IGF1R: variants seen among roughly 807,000 people sequenced by gnomAD.
IGF1R encodes insulin like growth factor 1 receptor, also known as insulin-like growth factor 1 receptor.
IGF1R carries 44 observed loss-of-function variants against 144.6 expected under a neutral mutation model. That is an observed-to-expected ratio of 0.30 (90% CI 0.24 to 0.39). IGF1R has a LOEUF of 0.39. Among genes scored for constraint, IGF1R ranks in the 10% least tolerant of loss-of-function variants. The pLI, the probability that IGF1R is intolerant of heterozygous loss-of-function variation, is 1.00. For synonymous variants in IGF1R, 795 were observed against 722.8 expected (o/e 1.10, Z -1.60); for missense variants, 1,355 against 1,833.7 (o/e 0.74, Z 4.77).
chr15:98,931,509 A>G (rs2015939756), intron 15 of IGF1R, among the ~76,000 whole-genome samples: 1 of 152,180 alleles, frequency 6.6e-6, no homozygotes, highest in Non-Finnish European at 1.5e-5. Flanking sequence ...GCCTCCTCTG[A>G]ATGGGAATCA....
At chr15:98,668,695 C>T (rs1210028355) in intron 1 of IGF1R, among the ~76,000 whole-genome samples, 1 of 152,198 alleles carries the variant, frequency 6.6e-6, no homozygotes, top group East Asian at 1.9e-4. Context: ...AAATTTCACT[C>T]TCTGAAAACT....
intron 2 of IGF1R, among the ~76,000 whole-genome samples, chr15:98,723,625 T>C (rs1346774915): frequency 6.6e-6 from 1 of 152,138 alleles, no homozygotes; most frequent in Non-Finnish European, 1.5e-5. Flanking sequence ...TTACAGACTA[T>C]AAAGATAAAG....
chr15:98,773,518 T>C (rs2055642474), intron 2 of IGF1R, among the ~76,000 whole-genome samples: 1 of 152,154 alleles, frequency 6.6e-6, no homozygotes. Context: ...ATGGGGTGCC[T>C]TGGGGGACAT....
At chr15:98,676,133 AGACTCTATTTT>A (rs2053037230) in intron 1 of IGF1R, among the ~76,000 whole-genome samples, 2 of 151,394 alleles carry the variant, frequency 1.3e-5, no homozygotes, top group Non-Finnish European at 1.5e-5. Flanking sequence ...CCCAGCCTAG[AGACTCTATTTT>A]ATTAGTGTTT....
At chr15:98,846,968 A>G (rs889833437) in intron 2 of IGF1R, among the ~76,000 whole-genome samples, 2 of 152,092 alleles carry the variant, frequency 1.3e-5, no homozygotes, top group African/African-American at 4.8e-5. Flanking sequence ...ACAAAGGCGG[A>G]ACAGTTCACT....
At chr15:98,917,086 G>A (rs1409529053) in intron 10 of IGF1R, 2 of 634,580 alleles carry the variant, frequency 3.2e-6, no homozygotes, top group African/African-American at 1.8e-5. Flanking sequence ...CAGGGCTTGG[G>A]TTGCTGGGGC....
At chr15:98,789,284 T>C (rs2056076175) in intron 2 of IGF1R, among the ~76,000 whole-genome samples, 1 of 152,238 alleles carries the variant, frequency 6.6e-6, no homozygotes, top group Admixed American at 6.5e-5. Context: ...CTTCTACAAT[T>C]GTGCTGATGA....
intron 2 of IGF1R, among the ~76,000 whole-genome samples, chr15:98,804,562 G>A (rs1020942493): frequency 7.9e-5 from 12 of 152,118 alleles, no homozygotes; most frequent in Non-Finnish European, 1.6e-4. Context: ...ACGGGGCTAT[G>A]GGAGGAAGAG....
chr15:98,869,089 C>CT (rs1259395343), intron 2 of IGF1R, among the ~76,000 whole-genome samples: 7 of 152,040 alleles, frequency 4.6e-5, no homozygotes, highest in African/African-American at 1.5e-4. Flanking sequence ...GATTTTTATC[C>CT]TTTTTTTCTC....
At chr15:98,906,135 C>A (rs1408732817) in intron 5 of IGF1R, among the ~76,000 whole-genome samples, 1 of 152,210 alleles carries the variant, frequency 6.6e-6, no homozygotes, top group Non-Finnish European at 1.5e-5. Context: ...TAGTCAAATA[C>A]ACAGAATTTC....
chr15:98,825,066 T>A (rs2056867757), intron 2 of IGF1R, among the ~76,000 whole-genome samples: 1 of 152,150 alleles, frequency 6.6e-6, no homozygotes, highest in African/African-American at 2.4e-5. Context: ...GTCGAACTCC[T>A]GACCTCAAGT....
rs570456255 is a variant in IGF1R at position 98,707,164 on chromosome 15, G to C, written c.95-398G>C. Among the ~76,000 whole-genome samples the C allele has an allele frequency of 2.6e-5, 4 of 152,320 alleles. No homozygotes were observed. The highest frequency in any genetic ancestry group is 2.1e-4 in the South Asian group (1 of 4,830). ...ATTGATACTTGGCTGCTGAGCTGTC[G>C]TTCAGGCCTTGGCAACTGACGCTCT... On this transcript the variant is annotated intron_variant, in intron 1 of 20. Coordinates refer to ENST00000650285, the MANE Select transcript of IGF1R (RefSeq NM_000875.5). This position sits in a 1 kb window ranked among gnomAD's most constrained non-coding sequence, Gnocchi z 6.7.
intron 2 of IGF1R, among the ~76,000 whole-genome samples, chr15:98,725,139 GC>G (rs2054327815): frequency 6.6e-6 from 1 of 152,114 alleles, no homozygotes; most frequent in African/African-American, 2.4e-5. Flanking sequence ...ACTCTCAGGG[GC>G]CCTGGATCTA....
chr15:98,722,562 G>A (rs1242988459), intron 2 of IGF1R, among the ~76,000 whole-genome samples: 1 of 152,142 alleles, frequency 6.6e-6, no homozygotes, highest in African/African-American at 2.4e-5. Context: ...CCCTCAAGCC[G>A]GTTTGGCTTA....
intron 1 of IGF1R, among the ~76,000 whole-genome samples, chr15:98,662,143 C>T (rs2052616151): frequency 6.6e-6 from 1 of 151,380 alleles, no homozygotes; most frequent in African/African-American, 2.4e-5. Context: ...CCACGCCTGG[C>T]TAATTTTTTT....
chr15:98,916,186 G>A, intron 9 of IGF1R, 55 bp downstream of exon 9: 3 of 1,548,012 alleles, frequency 1.9e-6, no homozygotes, highest in East Asian at 2.3e-5. Flanking sequence ...TCCTGTGGTT[G>A]TAATGTGCCT....
intron 1 of IGF1R, among the ~76,000 whole-genome samples, chr15:98,660,053 C>G (rs1458196855): frequency 6.6e-6 from 1 of 152,232 alleles, no homozygotes; most frequent in African/African-American, 2.4e-5. Flanking sequence ...AAATATATAG[C>G]TGGTTATTCA....
At chr15:98,762,601 G>T (rs952473893) in intron 2 of IGF1R, among the ~76,000 whole-genome samples, 1 of 151,914 alleles carries the variant, frequency 6.6e-6, no homozygotes, top group African/African-American at 2.4e-5. Context: ...GGTGGCACGT[G>T]CCTGTAATCC....
rs1167847839 is a variant in IGF1R, at chr15:98,891,408, C to T, written c.724C>T (p.Pro242Ser). ...HPECLGSCSA[P>S]DNDTACVACR... Reference sequence around the variant, plus strand: ...CGAGTGCCTGGGCAGCTGCAGCGCGCCTGACAACGACACGGCCTGTGTAGC... The same window carrying T: ...CGAGTGCCTGGGCAGCTGCAGCGCGTCTGACAACGACACGGCCTGTGTAGC... Residue 242 changes from proline (P) to serine (S), a missense_variant, in exon 3 of 21, where the codon CCT (proline) becomes TCT (serine). Coordinates refer to ENST00000650285, the MANE Select transcript of IGF1R (RefSeq NM_000875.5). The surrounding 1 kb of genome is among the most constrained non-coding windows in gnomAD (Gnocchi z 4.7). 6.2e-7 allele frequency: 1 copy of T among 1,613,376 alleles called. No homozygotes were observed.
Sources: gnomAD v4.1 joint callset for allele counts (sites outside exome capture counted in the v4.1 genomes callset) on GRCh38, gnomAD v4.1.1 for gene constraint, Gnocchi (gnomAD v3.1) non-coding constraint, MANE v1.5 for transcripts, NCBI Gene and HGNC (gene_info 2026-07-23, HGNC 2026-07-21) for gene names.